PTPRG: variants seen among roughly 807,000 people sequenced by gnomAD.
PTPRG encodes protein tyrosine phosphatase receptor type G, also known as receptor-type tyrosine-protein phosphatase gamma.
A neutral mutation model predicts 165.3 loss-of-function variants in PTPRG; 102 were observed. That is an observed-to-expected ratio of 0.62 (90% confidence interval 0.53 to 0.73). PTPRG has a LOEUF of 0.73. Ranked by LOEUF, PTPRG falls within the 30% of genes least tolerant of loss-of-function variation. The pLI is 0.00. For synonymous variants in PTPRG, 675 were observed against 669.5 expected (o/e 1.01, Z -0.13); for missense variants, 1,866 against 1,861.4 (o/e 1.00, Z -0.05).
chr3:62,158,060 C>G (rs1426910487), intron 7 of PTPRG, among the ~76,000 whole-genome samples: 1 of 152,168 alleles, frequency 6.6e-6, no homozygotes, highest in Admixed American at 6.5e-5. Flanking sequence ...TGTACTGCTT[C>G]CTTCTGAGTG....
intron 1 of PTPRG, among the ~76,000 whole-genome samples, chr3:61,690,145 C>T (rs753259407): frequency 3.9e-5 from 6 of 152,180 alleles, no homozygotes; most frequent in African/African-American, 1.4e-4. Flanking sequence ...TATCCGCAAC[C>T]GACAATGGAC....
At chr3:61,864,786 A>G (rs1187858662) in intron 2 of PTPRG, among the ~76,000 whole-genome samples, 1 of 152,200 alleles carries the variant, frequency 6.6e-6, no homozygotes, top group Non-Finnish European at 1.5e-5. Flanking sequence ...TATGCTGAGA[A>G]GGAGGCATGG....
chr3:62,050,047 A>G (rs1333249727), intron 4 of PTPRG, among the ~76,000 whole-genome samples: 2 of 152,344 alleles, frequency 1.3e-5, no homozygotes, highest in East Asian at 3.9e-4. Flanking sequence ...TAGCAGTATC[A>G]GAAAAAGGAT....
chr3:62,159,988 C>G (rs1403980175), intron 7 of PTPRG, among the ~76,000 whole-genome samples: 1 of 152,194 alleles, frequency 6.6e-6, no homozygotes, highest in Non-Finnish European at 1.5e-5. Flanking sequence ...GAAGTTAGCA[C>G]AGAATGTTCA....
chr3:61,617,185 G>C (rs946158665), intron 1 of PTPRG, among the ~76,000 whole-genome samples: 1 of 152,224 alleles, frequency 6.6e-6, no homozygotes, highest in South Asian at 2.1e-4. Flanking sequence ...CACTGTGTGG[G>C]AGGAACTGCA....
At chr3:62,143,734 G>C (rs1425652529) in intron 6 of PTPRG, among the ~76,000 whole-genome samples, 1 of 152,052 alleles carries the variant, frequency 6.6e-6, no homozygotes, top group Non-Finnish European at 1.5e-5. Context: ...GGACTCTTAG[G>C]AACACAACTG....
At chr3:61,808,329 C>A (rs1208120916) in intron 2 of PTPRG, among the ~76,000 whole-genome samples, 1 of 152,128 alleles carries the variant, frequency 6.6e-6, no homozygotes, top group Admixed American at 6.5e-5. Flanking sequence ...AACTGGAATC[C>A]AGTGGCTCTC....
At chr3:62,196,757 C>T (rs1240806304) in intron 10 of PTPRG, among the ~76,000 whole-genome samples, 7 of 152,174 alleles carry the variant, frequency 4.6e-5, no homozygotes, top group African/African-American at 1.4e-4. Context: ...AAGAAAACCA[C>T]GCCAGGTTAA....
At chr3:61,674,512 C>T (rs889015253) in intron 1 of PTPRG, among the ~76,000 whole-genome samples, 5 of 139,870 alleles carry the variant, frequency 3.6e-5, no homozygotes, top group African/African-American at 5.3e-5. Context: ...AAAAAAAAAG[C>T]CATATTAGTA....
chr3:62,248,979 C>T (rs1701351003), intron 15 of PTPRG, among the ~76,000 whole-genome samples: 1 of 152,104 alleles, frequency 6.6e-6, no homozygotes, highest in South Asian at 2.1e-4. Flanking sequence ...ACCTTGTTGG[C>T]ATATTTTATT....
At chr3:61,920,593 A>G (rs2039054508) in intron 2 of PTPRG, among the ~76,000 whole-genome samples, 1 of 151,934 alleles carries the variant, frequency 6.6e-6, no homozygotes, top group African/African-American at 2.4e-5. Context: ...ACGGGGTTTC[A>G]CCATGTTGGC....
intron 25 of PTPRG, 90 bp from the exon 26 acceptor site, chr3:62,277,461 T>G: frequency 7.1e-7 from 1 of 1,406,000 alleles, no homozygotes. Context: ...GTCAAAACAG[T>G]GCTATCTTAT....
At chr3:61,574,500 C>T (rs1248536564) in intron 1 of PTPRG, among the ~76,000 whole-genome samples, 2 of 152,098 alleles carry the variant, frequency 1.3e-5, no homozygotes, top group African/African-American at 4.8e-5. Context: ...CTCTTATTTA[C>T]ATGTGTGTAA....
intron 2 of PTPRG, among the ~76,000 whole-genome samples, chr3:61,890,412 G>GTTTTTT (rs1388100597): frequency 0.017 from 1,572 of 94,956 alleles, 118 homozygotes; most frequent in African/African-American, 0.048. Context: ...CTTGTTCTTT[G>GTTTTTT]TTTTTTTTTT....
intron 2 of PTPRG, among the ~76,000 whole-genome samples, chr3:61,820,631 C>CTTTTTTTTTTTTTTTTTTTTTTT (rs2035925767): frequency 3.9e-5 from 2 of 50,832 alleles, no homozygotes; most frequent in South Asian, 6.8e-4. Context: ...TTTTTTTTTA[C>CTTTTTTTTTTTTTTTTTTTTTTT]TGTGGCTTTA....
chr3:61,818,781 A>G (rs967583903), intron 2 of PTPRG, among the ~76,000 whole-genome samples: 3 of 152,082 alleles, frequency 2.0e-5, no homozygotes, highest in African/African-American at 7.2e-5. Context: ...GAAAAAAAAT[A>G]TTAAAAATCA....
At chr3:61,949,089 A>G (rs1409410046) in intron 2 of PTPRG, among the ~76,000 whole-genome samples, 7 of 152,104 alleles carry the variant, frequency 4.6e-5, no homozygotes, top group Admixed American at 4.6e-4. Flanking sequence ...ATGGCTTTTA[A>G]TGGGAATGCT....
intron 2 of PTPRG, among the ~76,000 whole-genome samples, chr3:61,868,470 G>A (rs114498500): frequency 0.021 from 3,213 of 152,188 alleles, 128 homozygotes; most frequent in African/African-American, 0.073. Flanking sequence ...GATGCACTGC[G>A]TCCAACCTGC....
chr3:61,989,564 T>G, intron 2 of PTPRG, 61 bp from the exon 3 acceptor site: 1 of 1,510,014 alleles, frequency 6.6e-7, no homozygotes, highest in South Asian at 1.3e-5. Flanking sequence ...TTCCTAAGAT[T>G]TATTCATTTC....
Sources: gnomAD v4.1 joint callset for allele counts (sites outside exome capture counted in the v4.1 genomes callset) on GRCh38, gnomAD v4.1.1 for gene constraint, MANE v1.5 for transcripts, NCBI Gene and HGNC (gene_info 2026-07-23, HGNC 2026-07-21) for gene names.